TUSC3: variants seen among roughly 807,000 people sequenced by gnomAD.
The protein encoded by TUSC3 is dolichyl-diphosphooligosaccharide--protein glycosyltransferase subunit TUSC3.
Under a neutral mutation model 44.8 loss-of-function variants are expected in TUSC3, and 45 were observed. The observed-to-expected ratio is 1.00, with a 90% CI of 0.79 to 1.29. The LOEUF (loss-of-function observed/expected upper bound fraction) is 1.29. TUSC3 is among the 50% of genes most tolerant of loss of function. TUSC3 has a pLI of 0.00. For missense variants in TUSC3, 519 were observed against 437.9 expected, an observed-to-expected ratio of 1.19 and a Z score of -1.65; for synonymous variants, 212 against 152.9, an observed-to-expected ratio of 1.39 and a Z score of -2.85.
At chr8:15,680,561 C>A (rs978173856) in intron 6 of TUSC3, among the ~76,000 whole-genome samples, 1 of 151,994 alleles carries the variant, frequency 6.6e-6, no homozygotes, top group Non-Finnish European at 1.5e-5. Flanking sequence ...TATTCTTTTC[C>A]TATTTGGATG....
chr8:15,756,234 A>C (rs12546044), intron 9 of TUSC3, among the ~76,000 whole-genome samples: 5,327 of 151,998 alleles, frequency 0.035, 120 homozygotes, highest in Non-Finnish European at 0.049. Flanking sequence ...TAGTTACTTA[A>C]CTTCCAAGTC....
At chr8:15,705,400 T>C (rs975366286) in intron 6 of TUSC3, among the ~76,000 whole-genome samples, 16 of 152,238 alleles carry the variant, frequency 1.1e-4, no homozygotes, top group African/African-American at 3.6e-4. Flanking sequence ...AAACCATTTG[T>C]AGAAATCAGA....
At chr8:15,461,576 G>A (rs937892919) in intron 1 of TUSC3, among the ~76,000 whole-genome samples, 11 of 151,836 alleles carry the variant, frequency 7.2e-5, no homozygotes, top group African/African-American at 2.4e-4. Context: ...CTATATTAAA[G>A]AGGAGTGGTG....
At position 15,596,149 on chromosome 8, in the gene TUSC3, A is replaced by T. The variant is rs1230905385; in HGVS notation, c.139-26931A>T. Among the ~76,000 whole-genome samples the T allele has an allele frequency of 2.6e-5, 4 of 152,216 alleles. No individual in the cohort carries two copies. The East Asian group carries it at 7.7e-4, about 29-fold the overall frequency. On this transcript the variant is annotated intron_variant, in intron 1 of 10. Coordinates refer to ENST00000503731, the MANE Select transcript of TUSC3 (RefSeq NM_006765.4). ...AAATTTAAGTATTCTTTCCTATTTT[A>T]TAGTCGCAAGTTCTAATTGGGAACA... is the stretch of plus-strand genomic sequence containing the variant.
chr8:15,450,240 TAGA>T (rs1348814321), intron 1 of TUSC3, among the ~76,000 whole-genome samples: 1 of 152,228 alleles, frequency 6.6e-6, no homozygotes, highest in African/African-American at 2.4e-5. Flanking sequence ...TTTTTTCTTT[TAGA>T]AGAATCAGGT....
intron 1 of TUSC3, among the ~76,000 whole-genome samples, chr8:15,608,762 G>A (rs181860809): frequency 6.6e-6 from 1 of 152,082 alleles, no homozygotes; most frequent in Non-Finnish European, 1.5e-5. Context: ...CACCATGATT[G>A]TAAGTTTCCT....
At chr8:15,677,917 C>G (rs557889219) in intron 6 of TUSC3, among the ~76,000 whole-genome samples, 8 of 152,222 alleles carry the variant, frequency 5.3e-5, no homozygotes, top group African/African-American at 1.9e-4. Context: ...TGAAAACACA[C>G]GTGTCTTATT....
chr8:15,654,864 T>A (rs1181153044), intron 3 of TUSC3, among the ~76,000 whole-genome samples: 2 of 152,172 alleles, frequency 1.3e-5, no homozygotes, highest in Non-Finnish European at 2.9e-5. Flanking sequence ...TATTATGATA[T>A]CCTGGTAATG....
intron 10 of TUSC3, chr8:15,758,343 CTTTA>C: frequency 9.5e-6 from 6 of 633,130 alleles, no homozygotes; most frequent in Non-Finnish European, 1.2e-5. Context: ...ATAGTAGGTA[CTTTA>C]TTTATATATA....
chr8:15,570,954 G>GTTTTTTTCTTTTTTTTTTTTTTTTTTTTT (rs1802850900), intron 1 of TUSC3, among the ~76,000 whole-genome samples: 1 of 44,494 alleles, frequency 2.2e-5, no homozygotes, highest in Non-Finnish European at 5.2e-5. Flanking sequence ...TTGCCTATTA[G>GTTTTTTTCTTTTTTTTTTTTTTTTTTTTT]TTTTTTTTTT....
chr8:15,834,392 C>A, the TUSC3 span, among the ~76,000 whole-genome samples: 4 of 152,228 alleles, frequency 2.6e-5, no homozygotes, highest in East Asian at 7.7e-4. Context: ...CAGAACAAAT[C>A]TGTAGTGACC....
chr8:15,735,499 A>G (rs994670713), intron 7 of TUSC3, among the ~76,000 whole-genome samples: 2 of 152,194 alleles, frequency 1.3e-5, no homozygotes, highest in East Asian at 1.9e-4. Context: ...TTAAGATCAT[A>G]AAGCCAATCA....
rs375629925 is a variant in TUSC3, at chr8:15,478,356, G to A, written n.92-5030G>A. Among the ~76,000 whole-genome samples, 4 of 152,222 alleles carry A rather than the reference G, an allele frequency of 2.6e-5. No homozygotes were observed. In the East Asian group the frequency reaches 7.7e-4, roughly 29 times the overall value. ...AAGTATACGTGTGCCATGGTAGTTT[G>A]CTGCCCCATCAGCCCATCATCTAGC... On this transcript the variant is annotated intron_variant and non_coding_transcript_variant, in intron 1 of 5. Transcript: ENST00000503191.
the TUSC3 span, among the ~76,000 whole-genome samples, chr8:15,774,564 T>TA: frequency 6.6e-6 from 1 of 152,282 alleles, no homozygotes; most frequent in Non-Finnish European, 1.5e-5. Flanking sequence ...CTTGATTTTT[T>TA]ACTTTTAGTC....
chr8:15,507,167 A>G lies in TUSC3; in HGVS notation n.189+23684A>G, dbSNP rs945859945. ...CAAGGGGAGCTCCCCCTTGCCCTCC[A>G]TAGTCCAAACTATAGAGGAACTTGG... On this transcript the variant is annotated intron_variant and non_coding_transcript_variant, in intron 2 of 5. Coordinates refer to the TUSC3 transcript ENST00000503191. Among the ~76,000 whole-genome samples, 5 of 152,272 alleles carry G rather than the reference A, an allele frequency of 3.3e-5. No homozygotes were observed. The East Asian group carries it at 7.7e-4, about 24-fold the overall frequency.
chr8:15,631,587 CA>C (rs1021982169), intron 2 of TUSC3, among the ~76,000 whole-genome samples: 3 of 151,472 alleles, frequency 2.0e-5, no homozygotes, highest in Admixed American at 2.0e-4. Flanking sequence ...CAAATATTAG[CA>C]AAAAACTACC....
At chr8:15,663,281 A>T (rs1312092141) in intron 5 of TUSC3, among the ~76,000 whole-genome samples, 2 of 150,592 alleles carry the variant, frequency 1.3e-5, no homozygotes, top group African/African-American at 4.8e-5. Flanking sequence ...TATATCTTAT[A>T]GATAAGTATT....
intron 1 of TUSC3, among the ~76,000 whole-genome samples, chr8:15,446,855 A>G (rs535059909): frequency 6.6e-6 from 1 of 151,786 alleles, no homozygotes; most frequent in African/African-American, 2.4e-5. Context: ...TGTGGAGAGA[A>G]AAAAAATGGA....
At chr8:15,762,362 CTGAT>C (rs1298676850) in intron 10 of TUSC3, among the ~76,000 whole-genome samples, 5 of 151,822 alleles carry the variant, frequency 3.3e-5, no homozygotes, top group African/African-American at 1.2e-4. Context: ...ATATAAACAA[CTGAT>C]TGTTACACCA....
Sources: gnomAD v4.1 joint callset for allele counts (sites outside exome capture counted in the v4.1 genomes callset) on GRCh38, gnomAD v4.1.1 for gene constraint, MANE v1.5 for transcripts, NCBI Gene and HGNC (gene_info 2026-07-23, HGNC 2026-07-21) for gene names.